FN1: variants seen among roughly 807,000 people sequenced by gnomAD.
FN1 encodes the protein fibronectin.
A neutral mutation model predicts 297.3 loss-of-function variants in FN1; 106 were observed. The ratio of observed to expected loss-of-function variants is 0.36; its 90% CI spans 0.30 to 0.42. FN1 has a LOEUF of 0.42. Among genes scored for constraint, FN1 ranks in the 10% least tolerant of loss-of-function variants. The pLI, the probability that FN1 is intolerant of heterozygous loss-of-function variation, is 1.00. For synonymous variants in FN1, 1,149 were observed against 1,152.6 expected, an observed-to-expected ratio of 1.00 and a Z score of 0.06; for missense variants, 2,690 against 3,124.9, an observed-to-expected ratio of 0.86 and a Z score of 3.32.
intron 40 of FN1, 59 bp from the exon 41 acceptor site, chr2:215,370,491 G>GCT: frequency 2.1e-6 from 3 of 1,435,142 alleles, no homozygotes; most frequent in Non-Finnish European, 2.9e-6. Flanking sequence ...AATGACACGG[G>GCT]CTCTCCTCTT....
rs2066868311 is a variant in FN1 at position 215,433,350 on chromosome 2, C to T, written c.389G>A (p.Arg130Gln). Residue 130 changes from arginine to glutamine, a missense_variant, in exon 3 of 46, where the codon CGA (arginine) becomes CAA (glutamine). Around this residue, in one of 3 missense-constraint regions of FN1, gnomAD observed 876 missense variants for 1,058.1 expected, o/e 0.83. Transcript: ENST00000354785. Reference sequence around the variant, plus strand: ...TGCGATGGTACAGCTTATTCTCCCTCGCCCAGCCCCGATGCAGGTACAGTC... The same window carrying T: ...TGCGATGGTACAGCTTATTCTCCCTTGCCCAGCCCCGATGCAGGTACAGTC... ...IWDCTCIGAG[R>Q]GRISCTIANR... 5.6e-6 allele frequency: 9 copies of T among 1,614,076 alleles called. No homozygotes were observed. The highest frequency in any genetic ancestry group is 7.6e-6 in the Non-Finnish European group (9 of 1,180,034).
chr2:215,367,741 C>T, intron 42 of FN1, 122 bp downstream of exon 42: 1 of 950,830 alleles, frequency 1.1e-6, no homozygotes, highest in Non-Finnish European at 1.7e-6. Flanking sequence ...AAACAGTATT[C>T]TCTTGTTTGC....
intron 27 of FN1, among the ~76,000 whole-genome samples, chr2:215,387,816 A>T (rs965951629): frequency 3.3e-5 from 5 of 152,230 alleles, no homozygotes; most frequent in African/African-American, 1.2e-4. Flanking sequence ...CTTCTAGTAA[A>T]TGCATATTTT....
chr2:215,407,502 G>A (rs1350932318), intron 17 of FN1, among the ~76,000 whole-genome samples, 181 bp from the exon 18 acceptor site: 1 of 152,160 alleles, frequency 6.6e-6, no homozygotes, highest in African/African-American at 2.4e-5. Context: ...TCAGCACGAA[G>A]ATAAAATAAG....
intron 1 of FN1, 99 bp downstream of exon 1, chr2:215,435,556 T>TCGCACACACG: frequency 6.5e-7 from 1 of 1,537,076 alleles, no homozygotes; most frequent in Non-Finnish European, 8.9e-7. Context: ...GCGCACACAC[T>TCGCACACACG]CGCACACACG....
intron 13 of FN1, among the ~76,000 whole-genome samples, chr2:215,412,760 C>CTTTTTTTTTTTTT (rs10524797): frequency 3.6e-4 from 35 of 97,558 alleles, no homozygotes; most frequent in African/African-American, 7.3e-4. Flanking sequence ...TATTAAGTAT[C>CTTTTTTTTTTTTT]TTTTTTTTTT....
In FN1 at chr2:215,362,073, G is replaced by C; in HGVS notation, c.7258C>G (p.Arg2420Gly). 6.2e-7 allele frequency: 1 copy of C among 1,613,092 alleles called. No individual in the cohort carries two copies. The highest frequency in any genetic ancestry group is 8.5e-7 in the Non-Finnish European group (1 of 1,179,176). The change falls in exon 45 of 46, where the codon CGC becomes GGC. Residue 2420 changes from arginine (R) to glycine (G), a missense_variant. Physicochemically the swap from Arg to Gly is moderately radical, Grantham distance 125. Coordinates refer to ENST00000354785, the MANE Select transcript of FN1 (RefSeq NM_212482.4). ...CTCFGGQRGW[R>G]CDNCRRPGGE... ...CCAGGTCTGCGGCAGTTGTCACAGCGCCAGCCCTGAGAGAGTAGAGGCATG... is the reference window on the plus strand; with the variant it reads ...CCAGGTCTGCGGCAGTTGTCACAGCCCCAGCCCTGAGAGAGTAGAGGCATG...
In FN1 at chr2:215,386,719, T is replaced by C. The variant is rs1160138127; in HGVS notation, c.4582A>G (p.Ser1528Gly). 3 of 1,613,984 alleles carry C rather than the reference T, an allele frequency of 1.9e-6. No homozygotes were observed. Among genetic ancestry groups the C allele is most frequent in the Non-Finnish European group, 2.5e-6 (3 of 1,179,974 alleles). The change falls in exon 28 of 46, where the codon AGT becomes GGT. Residue 1528 changes from serine (S) to glycine (G), a missense_variant. Ser to Gly is a moderately conservative substitution (Grantham distance 56). This residue lies in a region of FN1 where 1,743 missense variants were observed against 1,945.2 expected (regional missense o/e 0.90). Transcript: ENST00000354785. ...SIVALNGREE[S>G]PLLIGQQSTV... ...GATTGTTGGCCAATCAATAAGGGAC[T>C]TTCCTCTCTGCCATTAAGAGCAACG...
chr2:215,420,976 C>A (rs536994805), intron 10 of FN1, 175 bp from the exon 11 acceptor site: 116 of 668,472 alleles, frequency 1.7e-4, no homozygotes, highest in African/African-American at 9.8e-4. Context: ...GTCAGTAATA[C>A]AATTTTTGCC....
chr2:215,423,479 A>G lies in FN1; in HGVS notation c.1264T>C (p.Phe422Leu). 1 of 1,614,234 alleles carries G rather than the reference A, an allele frequency of 6.2e-7. No individual in the cohort carries two copies. Among genetic ancestry groups the G allele is most frequent in the Non-Finnish European group, 8.5e-7 (1 of 1,180,042 alleles). The change falls in exon 9 of 46, where the codon TTC (phenylalanine) becomes CTC (leucine). Residue 422 changes from phenylalanine to leucine, a missense_variant. Physicochemically the swap from Phe to Leu is conservative, Grantham distance 22. Transcript: ENST00000354785. ...TTGTGGTTGTTGTATAGGAAGGGGA[A>G]GTGGCACAAGGCACCATTGGAATTT... is the stretch of plus-strand genomic sequence containing the variant. ...GGNSNGALCH[F>L]PFLYNNHNYT...
intron 13 of FN1, among the ~76,000 whole-genome samples, chr2:215,413,005 G>A (rs1315239265): frequency 1.3e-5 from 2 of 152,102 alleles, no homozygotes; most frequent in Non-Finnish European, 2.9e-5. Flanking sequence ...TGACTGCTGG[G>A]TGGATCAAAG....
At chr2:215,369,599 G>T (rs1343146845) in intron 41 of FN1, among the ~76,000 whole-genome samples, 1 of 152,170 alleles carries the variant, frequency 6.6e-6, no homozygotes, top group Non-Finnish European at 1.5e-5. Flanking sequence ...CCTATCTCAT[G>T]TGCCTTGGTG....
chr2:215,376,703 G>C, intron 35 of FN1, 29 bp from the exon 36 acceptor site: 2 of 1,605,726 alleles, frequency 1.2e-6, no homozygotes, highest in Non-Finnish European at 1.7e-6. Context: ...AGAGATTAGT[G>C]CCTGCTTGGC....
intron 13 of FN1, among the ~76,000 whole-genome samples, chr2:215,412,082 C>A (rs1355139358): frequency 6.6e-6 from 1 of 151,974 alleles, no homozygotes; most frequent in East Asian, 1.9e-4. Context: ...AGATGAGAGA[C>A]TAGAAGATAT....
chr2:215,423,420 G>C lies in FN1; in HGVS notation c.1323C>G (p.Asp441Glu). The change falls in exon 9 of 46, where the codon GAC becomes GAG. Residue 441 changes from aspartate to glutamate, a missense_variant. Around this residue, in one of 3 missense-constraint regions of FN1, gnomAD observed 876 missense variants for 1,058.1 expected, o/e 0.83. Coordinates refer to ENST00000354785, the MANE Select transcript of FN1 (RefSeq NM_212482.4). ...GTGTGGTCCCACACCACTTCATGTTGTCTCTTCTGCCCTCAGAAGTGCAAT... is the reference window on the plus strand; with the variant it reads ...GTGTGGTCCCACACCACTTCATGTTCTCTCTTCTGCCCTCAGAAGTGCAAT... The part of the protein sequence containing the change: ...YTDCTSEGRR[D>E]NMKWCGTTQN... 6.2e-7 allele frequency: 1 copy of C among 1,614,210 alleles called. No homozygotes were observed. Among genetic ancestry groups the C allele is most frequent in the Admixed American group, 1.7e-5 (1 of 60,020 alleles).
chr2:215,381,178 T>C, intron 32 of FN1, 98 bp from the exon 33 acceptor site: 1 of 1,195,706 alleles, frequency 8.4e-7, no homozygotes, highest in Non-Finnish European at 1.2e-6. Flanking sequence ...ACCATTTTCT[T>C]TGATGAAGTC....
rs201763639 is a variant in FN1, at chr2:215,407,947, AC to A, written c.2518+160del. Among the ~76,000 whole-genome samples the A allele has an allele frequency of 0.38, 45,040 of 118,952 alleles. 7,654 individuals are homozygous for A. The highest frequency in any genetic ancestry group is 0.46 in the African/African-American group (14,285 of 31,170). 78.0% of individuals were successfully genotyped at this position (118,952 alleles called of 152,430 possible). On this transcript the variant is annotated intron_variant, in intron 17 of 45. Transcript: ENST00000354785. ...ATGTGCCATAGAAAATAACTCCCCC[AC>A]CCCCGCCACACACACACACACACAC...
intron 20 of FN1, 76 bp downstream of exon 20, chr2:215,404,311 TTG>T: frequency 5.1e-6 from 7 of 1,360,468 alleles, no homozygotes; most frequent in African/African-American, 1.4e-5. Flanking sequence ...TTTTTTTGTT[TTG>T]TTTTGTTTTG....
rs181105290 is a variant in FN1, at chr2:215,393,232, G to A, written c.3797-29C>T. On this transcript the variant is annotated intron_variant, in intron 24 of 45. Coordinates refer to ENST00000354785, the MANE Select transcript of FN1 (RefSeq NM_212482.4). The stretch of plus-strand genomic sequence containing the variant: ...TTGAGTTACAAAGCAAAGGGAGGGG[G>A]AGGCAAAAGGAAAATAGAGGGAAAA... The A allele has an allele frequency of 5.8e-5, 94 of 1,607,574 alleles. No individual in the cohort carries two copies. In the African/African-American group the frequency reaches 1.1e-3, roughly 18 times the overall value.
Sources: gnomAD v4.1 joint callset for allele counts (sites outside exome capture counted in the v4.1 genomes callset) on GRCh38, gnomAD v4.1.1 for gene constraint, gnomAD v4.1.1 regional missense constraint, MANE v1.5 for transcripts, NCBI Gene and HGNC (gene_info 2026-07-23, HGNC 2026-07-21) for gene names.